The following HDAC9 variants were observed in gnomAD, a reference collection of about 807,000 sequenced individuals.
The protein encoded by HDAC9 is MEF-2 interacting transcription repressor (MITR) protein.
HDAC9 carries 41 observed loss-of-function variants against 139.4 expected under a neutral mutation model. The observed-to-expected ratio is 0.29, with a 90% CI of 0.23 to 0.38. The LOEUF is 0.38. Ranked by LOEUF, HDAC9 falls within the 10% of genes least tolerant of loss-of-function variation. The probability of loss-of-function intolerance (pLI) is 1.00; values close to 1 mark genes in which losing one functional copy is unlikely to be tolerated. For missense variants in HDAC9, 1,147 were observed against 1,297.0 expected (o/e 0.88, Z 1.78); for synonymous variants, 517 against 476.2 (o/e 1.09, Z -1.12).
chr7:18,140,412 GA>G (rs1785815354), intron 1 of HDAC9, among the ~76,000 whole-genome samples: 1 of 151,486 alleles, frequency 6.6e-6, no homozygotes, highest in Non-Finnish European at 1.5e-5. Context: ...ACAAAAACAA[GA>G]AAAAAAATAC....
intron 22 of HDAC9, among the ~76,000 whole-genome samples, chr7:18,904,094 C>T (rs966783865): frequency 2.6e-5 from 4 of 152,144 alleles, no homozygotes; most frequent in South Asian, 2.1e-4. Flanking sequence ...GGAACAAGTA[C>T]GAGCTTTAGC....
upstream of HDAC9, among the ~76,000 whole-genome samples, chr7:18,492,852 T>A (rs1465404792): frequency 1.3e-5 from 2 of 151,980 alleles, no homozygotes; most frequent in Admixed American, 1.3e-4. Flanking sequence ...ATGGTTGTTT[T>A]GATGATACTT....
At chr7:18,620,835 A>T (rs749782781) in intron 6 of HDAC9, among the ~76,000 whole-genome samples, 2 of 151,762 alleles carry the variant, frequency 1.3e-5, no homozygotes, top group Non-Finnish European at 2.9e-5. Context: ...ATGTATGACC[A>T]TTTTTTTTCC....
intron 2 of HDAC9, among the ~76,000 whole-genome samples, chr7:18,560,749 A>T (rs1179457994): frequency 6.6e-6 from 1 of 152,130 alleles, no homozygotes; most frequent in Non-Finnish European, 1.5e-5. Flanking sequence ...ACGTGGACAG[A>T]GGTGAAGCAT....
chr7:18,861,298 G>A (rs1473662644), intron 21 of HDAC9, among the ~76,000 whole-genome samples: 1 of 152,080 alleles, frequency 6.6e-6, no homozygotes, highest in Non-Finnish European at 1.5e-5. Flanking sequence ...AACTAAGCAT[G>A]TTTCAACATT....
chr7:18,250,466 A>T (rs1443371593), intron 2 of HDAC9, among the ~76,000 whole-genome samples: 2 of 152,164 alleles, frequency 1.3e-5, no homozygotes, highest in Non-Finnish European at 2.9e-5. Flanking sequence ...CTGGCTTTCC[A>T]TCATCCCACT....
At chr7:18,724,064 T>C (rs1241615613) in intron 12 of HDAC9, among the ~76,000 whole-genome samples, 1 of 152,186 alleles carries the variant, frequency 6.6e-6, no homozygotes, top group African/African-American at 2.4e-5. Flanking sequence ...GCAAAATGTA[T>C]TTAGAGCTTC....
chr7:18,852,133 G>A (rs958253207), intron 21 of HDAC9, among the ~76,000 whole-genome samples: 1 of 152,178 alleles, frequency 6.6e-6, no homozygotes, highest in South Asian at 2.1e-4. Flanking sequence ...TGTGCGTAAA[G>A]CTGCCTTACA....
chr7:18,380,497 A>G (rs1308396241), intron 1 of HDAC9, among the ~76,000 whole-genome samples: 1 of 152,216 alleles, frequency 6.6e-6, no homozygotes, highest in Non-Finnish European at 1.5e-5. Context: ...AAATTTTTCA[A>G]GGGTATTTGG....
intron 2 of HDAC9, among the ~76,000 whole-genome samples, chr7:18,215,341 T>C (rs1447912103): frequency 2.6e-5 from 4 of 152,116 alleles, no homozygotes; most frequent in Non-Finnish European, 4.4e-5. Context: ...TGTCAAGAGA[T>C]TTGTGTTAGA....
chr7:18,487,377 A>G (rs1332863393), intron 1 of HDAC9, among the ~76,000 whole-genome samples: 1 of 152,046 alleles, frequency 6.6e-6, no homozygotes, highest in Non-Finnish European at 1.5e-5. Context: ...AAATTTGGGT[A>G]ATATCCAGGA....
At chr7:18,616,348 C>A (rs979096142) in intron 6 of HDAC9, among the ~76,000 whole-genome samples, 3 of 152,174 alleles carry the variant, frequency 2.0e-5, no homozygotes, top group African/African-American at 7.2e-5. Context: ...CTTTGACTTA[C>A]TACCCCTTTA....
chr7:18,674,986 A>G (rs564783694), intron 12 of HDAC9, among the ~76,000 whole-genome samples: 2 of 152,166 alleles, frequency 1.3e-5, no homozygotes, highest in East Asian at 3.9e-4. Flanking sequence ...AGATAAAAAT[A>G]TAATATCTAG....
chr7:18,800,634 A>T (rs922758641), intron 17 of HDAC9, among the ~76,000 whole-genome samples: 2 of 152,050 alleles, frequency 1.3e-5, no homozygotes, highest in Non-Finnish European at 2.9e-5. Flanking sequence ...GGAGTTTGAG[A>T]CCTGCCTGGA....
At chr7:18,583,189 C>G (rs1828359046) in intron 2 of HDAC9, among the ~76,000 whole-genome samples, 1 of 151,760 alleles carries the variant, frequency 6.6e-6, no homozygotes, top group South Asian at 2.1e-4. Context: ...AAGAAATTTC[C>G]ATTTCATATA....
rs534855919 is a variant in HDAC9 at position 18,128,868 on chromosome 7, C to G, written c.-96-33361C>G. ...CCTGTCTCTCTTTTTTTCTCCCTCC[C>G]TCTCTCATTGCTCATTTTTTTCCTT... On this transcript the variant is annotated intron_variant, in intron 1 of 12. Coordinates refer to the HDAC9 transcript ENST00000417496. Among the ~76,000 whole-genome samples, 23 of 152,036 alleles carry G rather than the reference C, an allele frequency of 1.5e-4. No homozygotes were observed. In the South Asian group the frequency reaches 4.4e-3, roughly 29 times the overall value.
chr7:18,882,880 A>C (rs1799837380), intron 22 of HDAC9, among the ~76,000 whole-genome samples: 1 of 152,146 alleles, frequency 6.6e-6, no homozygotes, highest in Non-Finnish European at 1.5e-5. Context: ...AGAAAATGGA[A>C]GGAGGATGGG....
chr7:18,916,463 C>A (rs1439727149), intron 22 of HDAC9, among the ~76,000 whole-genome samples: 3 of 151,890 alleles, frequency 2.0e-5, no homozygotes, highest in African/African-American at 7.3e-5. Context: ...TTGATGAATT[C>A]TGTTATGTGG....
chr7:18,819,618 A>G (rs1179973654), intron 17 of HDAC9, among the ~76,000 whole-genome samples: 2 of 152,232 alleles, frequency 1.3e-5, no homozygotes, highest in African/African-American at 4.8e-5. Flanking sequence ...GTCCCACCGG[A>G]AAACATCATT....
Sources: gnomAD v4.1 joint callset for allele counts (sites outside exome capture counted in the v4.1 genomes callset) on GRCh38, gnomAD v4.1.1 for gene constraint, MANE v1.5 for transcripts, NCBI Gene and HGNC (gene_info 2026-07-23, HGNC 2026-07-21) for gene names.